FAM171A1: variants seen among roughly 807,000 people sequenced by gnomAD.
FAM171A1 encodes family with sequence similarity 171 member A1.
FAM171A1 carries 23 observed loss-of-function variants against 74.9 expected under a neutral mutation model. The ratio of observed to expected loss-of-function variants is 0.31; its 90% CI spans 0.22 to 0.44. FAM171A1 has a LOEUF of 0.44. FAM171A1 is among the 20% of genes least tolerant of loss of function. FAM171A1 has a pLI of 1.00. For synonymous variants in FAM171A1, 527 were observed against 505.7 expected (o/e 1.04, Z -0.57); for missense variants, 1,162 against 1,159.2 (o/e 1.00, Z -0.03).
At chr10:15,258,122 G>C (rs193014034) in intron 3 of FAM171A1, among the ~76,000 whole-genome samples, 1 of 152,040 alleles carries the variant, frequency 6.6e-6, no homozygotes, top group Admixed American at 6.5e-5. Flanking sequence ...GTGCAGTGGC[G>C]TGATCTCGGC....
At chr10:15,360,296 T>C (rs1005320152) in intron 1 of FAM171A1, among the ~76,000 whole-genome samples, 6 of 152,210 alleles carry the variant, frequency 3.9e-5, no homozygotes, top group African/African-American at 1.2e-4. Flanking sequence ...ATGCTGTCTA[T>C]ACCCAAGCTT....
chr10:15,352,256 T>G (rs1432608406), intron 1 of FAM171A1, among the ~76,000 whole-genome samples: 1 of 151,656 alleles, frequency 6.6e-6, no homozygotes, highest in African/African-American at 2.4e-5. Flanking sequence ...ATATACTAAT[T>G]AAATTAAAAT....
At chr10:15,351,663 G>A (rs573308798) in intron 1 of FAM171A1, among the ~76,000 whole-genome samples, 17 of 150,902 alleles carry the variant, frequency 1.1e-4, no homozygotes, top group Admixed American at 4.6e-4. Context: ...ATGCATGCAC[G>A]GATGCATGGA....
At chr10:15,366,995 G>A (rs939871986) in intron 1 of FAM171A1, among the ~76,000 whole-genome samples, 6 of 152,118 alleles carry the variant, frequency 3.9e-5, no homozygotes, top group African/African-American at 1.2e-4. Flanking sequence ...TCAGGAGATC[G>A]AGATCATTCT....
chr10:15,373,793 C>T (rs747942744), upstream of FAM171A1, among the ~76,000 whole-genome samples: 2 of 152,166 alleles, frequency 1.3e-5, no homozygotes, highest in Admixed American at 6.5e-5. Context: ...TCACTCAAAA[C>T]ACTGGTGTTT....
chr10:15,262,356 A>G (rs979080527), intron 3 of FAM171A1, among the ~76,000 whole-genome samples: 1 of 152,214 alleles, frequency 6.6e-6, no homozygotes. Context: ...TCCTCACAGA[A>G]AAGGCAGCTG....
At chr10:15,351,944 T>C (rs540531557) in intron 1 of FAM171A1, among the ~76,000 whole-genome samples, 62 of 152,024 alleles carry the variant, frequency 4.1e-4, no homozygotes, top group Middle Eastern at 3.4e-3. Context: ...TCCCAGCACT[T>C]TGGGAGGCCA....
At chr10:15,274,865 A>G (rs936266381) in intron 3 of FAM171A1, among the ~76,000 whole-genome samples, 3 of 152,180 alleles carry the variant, frequency 2.0e-5, no homozygotes, top group South Asian at 4.1e-4. Flanking sequence ...ATGTCCATCA[A>G]TGATAGACTG....
chr10:15,344,401 G>A (rs1177801613), intron 1 of FAM171A1, among the ~76,000 whole-genome samples: 1 of 152,054 alleles, frequency 6.6e-6, no homozygotes, highest in East Asian at 1.9e-4. Context: ...AAATTATCCA[G>A]ACATGGTGGC....
At chr10:15,263,790 CT>C (rs1834697491) in intron 3 of FAM171A1, among the ~76,000 whole-genome samples, 1 of 137,542 alleles carries the variant, frequency 7.3e-6, no homozygotes, top group South Asian at 2.4e-4. Flanking sequence ...TATCTATCAT[CT>C]ATCCATCTAA....
chr10:15,251,811 T>G (rs1834512437), intron 4 of FAM171A1, among the ~76,000 whole-genome samples: 1 of 152,200 alleles, frequency 6.6e-6, no homozygotes, highest in African/African-American at 2.4e-5. Context: ...ATATAGAAAG[T>G]GGTCATCCTT....
intron 4 of FAM171A1, among the ~76,000 whole-genome samples, chr10:15,249,093 TTTTTC>T (rs1200390123): frequency 2.7e-5 from 1 of 37,618 alleles, no homozygotes; most frequent in Non-Finnish European, 6.1e-5. Context: ...CAGGTTTTCT[TTTTTC>T]TTTTTTTTTT....
Position 15,214,312 on chromosome 10 carries a change from T to C in FAM171A1, c.1276A>G (p.Ser426Gly). The change falls in exon 8 of 8, where the codon AGC becomes GGC. Residue 426 changes from serine to glycine, a missense_variant. Coordinates refer to ENST00000378116, the MANE Select transcript of FAM171A1 (RefSeq NM_001010924.2). ...CAAGAGAGGAGCTCCTCCCGGGAGC[T>C]AAATTCCTGGGAGGTGCTGTAGGAG... is the stretch of plus-strand genomic sequence containing the variant. ...KLSYSTSQEF[S>G]SREELLSCKE... 6.2e-7 allele frequency: 1 copy of C among 1,613,112 alleles called. No homozygotes were observed. Among genetic ancestry groups the C allele is most frequent in the Non-Finnish European group, 8.5e-7 (1 of 1,179,632 alleles).
chr10:15,221,367 C>T (rs1167571764), intron 5 of FAM171A1, among the ~76,000 whole-genome samples: 1 of 152,308 alleles, frequency 6.6e-6, no homozygotes, highest in East Asian at 1.9e-4. Context: ...CTTTGGAACT[C>T]AGAAGCAGAA....
intron 3 of FAM171A1, among the ~76,000 whole-genome samples, chr10:15,260,808 CT>C (rs1288687935): frequency 1.3e-5 from 2 of 152,184 alleles, no homozygotes; most frequent in Non-Finnish European, 2.9e-5. Context: ...AATAGCACCC[CT>C]GACCTCTACC....
chr10:15,272,440 T>A (rs185793814), intron 3 of FAM171A1, among the ~76,000 whole-genome samples: 3 of 152,182 alleles, frequency 2.0e-5, no homozygotes, highest in East Asian at 1.9e-4. Context: ...CACAATAATA[T>A]TGGGAGACTT....
intron 1 of FAM171A1, among the ~76,000 whole-genome samples, chr10:15,364,771 T>C (rs1836038837): frequency 6.6e-6 from 1 of 152,192 alleles, no homozygotes; most frequent in Non-Finnish European, 1.5e-5. Flanking sequence ...CCACCTGCAT[T>C]CCTTGGCTCC....
At position 15,213,330 on chromosome 10, in the gene FAM171A1, C is replaced by T. The variant is rs752137082; in HGVS notation, c.2258G>A (p.Arg753Gln). 17 of 1,614,048 alleles carry T rather than the reference C, an allele frequency of 1.1e-5. No individual in the cohort carries two copies. Among genetic ancestry groups the T allele is most frequent in the East Asian group, 4.5e-5 (2 of 44,882 alleles). ...AGACAAAGCATCTCCCCTTCCCTTCCGGGCTGATTTTGGTTCATTCATATC... is the reference window on the plus strand; with the variant it reads ...AGACAAAGCATCTCCCCTTCCCTTCTGGGCTGATTTTGGTTCATTCATATC... The part of the protein sequence containing the change: ...GVDMNEPKSA[R>Q]KGRGDALSLQ... The change falls in exon 8 of 8, where the codon CGG (arginine) becomes CAG (glutamine). Residue 753 changes from arginine to glutamine, a missense_variant. Physicochemically the swap from Arg to Gln is conservative, Grantham distance 43 (BLOSUM62 1). Transcript: ENST00000378116. The surrounding 1 kb of genome is among the most constrained non-coding windows in gnomAD (Gnocchi z 6.8).
At chr10:15,299,819 A>G (rs1835207124) in intron 1 of FAM171A1, among the ~76,000 whole-genome samples, 1 of 152,094 alleles carries the variant, frequency 6.6e-6, no homozygotes, top group African/African-American at 2.4e-5. Flanking sequence ...TCTCCTAAAA[A>G]TACAGAAAAT....
Sources: allele counts gnomAD v4.1 joint callset (sites outside exome capture counted in the v4.1 genomes callset), GRCh38; gene constraint gnomAD v4.1.1; non-coding constraint Gnocchi (gnomAD v3.1); transcripts MANE v1.5; gene names NCBI Gene and HGNC (gene_info 2026-07-23, HGNC 2026-07-21).